TAFA2: variants seen among roughly 807,000 people sequenced by gnomAD.
TAFA2 encodes chemokine-like protein TAFA-2.
TAFA2 carries 7 observed loss-of-function variants against 18.8 expected under a neutral mutation model. That is an observed-to-expected ratio of 0.37 (90% confidence interval 0.21 to 0.70). The LOEUF is 0.70. TAFA2 is among the 30% of genes least tolerant of loss of function. The probability of loss-of-function intolerance (pLI) is 0.53; values close to 1 mark genes in which losing one functional copy is unlikely to be tolerated. For missense variants in TAFA2, 122 were observed against 158.1 expected (o/e 0.77, Z 1.23); for synonymous variants, 60 against 54.2 (o/e 1.11, Z -0.47).
chr12:61,731,656 T>A (rs1870456532), intron 4 of TAFA2, among the ~76,000 whole-genome samples: 1 of 152,112 alleles, frequency 6.6e-6, no homozygotes, highest in South Asian at 2.1e-4. Flanking sequence ...CCCCGAGAAT[T>A]ATTCTGTGAG....
At chr12:61,724,818 G>A (rs1870081333) in intron 4 of TAFA2, among the ~76,000 whole-genome samples, 1 of 148,680 alleles carries the variant, frequency 6.7e-6, no homozygotes. Context: ...CCAGATGGGT[G>A]TATATGTATA....
intron 2 of TAFA2, among the ~76,000 whole-genome samples, chr12:61,826,567 C>A (rs1254210566): frequency 6.6e-6 from 1 of 152,038 alleles, no homozygotes; most frequent in African/African-American, 2.4e-5. Context: ...CACCACAAAG[C>A]AAATAATTTA....
At chr12:61,776,522 G>A (rs980977095) in intron 2 of TAFA2, 1 of 151,880 alleles carries the variant, frequency 6.6e-6, no homozygotes, top group Non-Finnish European at 1.5e-5. Flanking sequence ...GAAAGAAGGA[G>A]GGGTCAGGTC....
At chr12:61,740,790 A>T (rs905368739) in intron 4 of TAFA2, among the ~76,000 whole-genome samples, 1 of 151,882 alleles carries the variant, frequency 6.6e-6, no homozygotes, top group Non-Finnish European at 1.5e-5. Flanking sequence ...TCAACAAAAT[A>T]ATCCTTTATT....
intron 1 of TAFA2, among the ~76,000 whole-genome samples, chr12:62,094,130 ATTC>A (rs1868841669): frequency 6.6e-6 from 1 of 152,052 alleles, no homozygotes; most frequent in Non-Finnish European, 1.5e-5. Context: ...AATGTTCCCC[ATTC>A]TTCTCAGGGT....
At chr12:62,025,914 C>G (rs1192876133) in intron 1 of TAFA2, among the ~76,000 whole-genome samples, 2 of 151,704 alleles carry the variant, frequency 1.3e-5, no homozygotes, top group Admixed American at 6.6e-5. Flanking sequence ...GCAGAGGAAC[C>G]CAAAATAAAG....
intron 1 of TAFA2, among the ~76,000 whole-genome samples, chr12:62,100,314 CA>C (rs1442208800): frequency 1.3e-5 from 2 of 152,080 alleles, no homozygotes; most frequent in African/African-American, 2.4e-5. Context: ...TCTTTGAAAC[CA>C]CTATGTCAGA....
At chr12:62,068,025 T>G (rs1328664842) in intron 1 of TAFA2, among the ~76,000 whole-genome samples, 1 of 151,858 alleles carries the variant, frequency 6.6e-6, no homozygotes, top group South Asian at 2.1e-4. Context: ...CAGATCTTCA[T>G]GTCCACAAAC....
At chr12:61,973,434 TTTA>T (rs1004039429) in intron 1 of TAFA2, among the ~76,000 whole-genome samples, 9 of 150,670 alleles carry the variant, frequency 6.0e-5, no homozygotes, top group Non-Finnish European at 1.2e-4. Context: ...TACAACTTAG[TTTA>T]TTTAGTTCTT....
At chr12:62,102,707 C>A (rs1869264341) in intron 1 of TAFA2, among the ~76,000 whole-genome samples, 1 of 152,044 alleles carries the variant, frequency 6.6e-6, no homozygotes, top group Admixed American at 6.6e-5. Flanking sequence ...TATTATGATA[C>A]AATAATGTAC....
chr12:61,833,046 T>C (rs1312725556), intron 2 of TAFA2, among the ~76,000 whole-genome samples: 2 of 147,212 alleles, frequency 1.4e-5, no homozygotes, highest in African/African-American at 2.5e-5. Context: ...TATAAATATA[T>C]AATGTATAAA....
chr12:61,957,881 T>C (rs1032181599), intron 1 of TAFA2, among the ~76,000 whole-genome samples: 2 of 152,088 alleles, frequency 1.3e-5, no homozygotes, highest in Non-Finnish European at 2.9e-5. Context: ...ATAGTGATCA[T>C]TGGGACTAAA....
chr12:61,855,676 G>A lies in TAFA2; in HGVS notation c.106+11644C>T, dbSNP rs566242208. ...ATATATATTTTTAAATTTCTGTATC[G>A]TGCACTCTACTGGATGCTTCAGAAT... On this transcript the variant is annotated intron_variant, in intron 2 of 4. Coordinates refer to ENST00000416284, the MANE Select transcript of TAFA2 (RefSeq NM_178539.5). 1.8e-4 allele frequency among the ~76,000 whole-genome samples: 28 copies of A among 151,672 alleles called. No individual in the cohort carries two copies. In the South Asian group the frequency reaches 1.9e-3, roughly 10 times the overall value.
chr12:62,071,588 A>T (rs1882632606), intron 1 of TAFA2, among the ~76,000 whole-genome samples: 1 of 152,066 alleles, frequency 6.6e-6, no homozygotes, highest in East Asian at 1.9e-4. Flanking sequence ...CAAAATAAAA[A>T]TTTTTCAAAA....
At chr12:62,011,264 C>A (rs773484256) in intron 1 of TAFA2, among the ~76,000 whole-genome samples, 1 of 152,030 alleles carries the variant, frequency 6.6e-6, no homozygotes, top group Non-Finnish European at 1.5e-5. Flanking sequence ...CAGTGACCAT[C>A]GAGAGCGGGC....
At chr12:62,029,084 C>T (rs348694) in intron 1 of TAFA2, among the ~76,000 whole-genome samples, 15,914 of 151,974 alleles carry the variant, frequency 0.1, 1,116 homozygotes, top group Middle Eastern at 0.16. Context: ...GGAAAATGTC[C>T]TCACCATATT....
At chr12:62,021,821 G>A in intron 1 of TAFA2, 1 of 846,728 alleles carries the variant, frequency 1.2e-6, no homozygotes, top group South Asian at 1.3e-5. Flanking sequence ...GGTCTCCGCT[G>A]TGGATCATCA....
intron 1 of TAFA2, among the ~76,000 whole-genome samples, chr12:62,249,370 C>T (rs1263270842): frequency 6.6e-6 from 1 of 151,850 alleles, no homozygotes; most frequent in Non-Finnish European, 1.5e-5. Flanking sequence ...CTGCAGTCCT[C>T]ACCTTTGGCT....
intron 1 of TAFA2, among the ~76,000 whole-genome samples, chr12:62,076,004 G>T (rs975983480): frequency 6.6e-6 from 1 of 152,146 alleles, no homozygotes; most frequent in Non-Finnish European, 1.5e-5. Context: ...ATATTACTCA[G>T]TTATCAATTG....
Sources: gnomAD v4.1 joint callset for allele counts (sites outside exome capture counted in the v4.1 genomes callset) on GRCh38, gnomAD v4.1.1 for gene constraint, MANE v1.5 for transcripts, NCBI Gene and HGNC (gene_info 2026-07-23, HGNC 2026-07-21) for gene names.